The following LYPD6 variants were observed in gnomAD, a reference collection of about 807,000 sequenced individuals.
LYPD6 encodes ly6/PLAUR domain-containing protein 6.
A neutral mutation model predicts 22.7 loss-of-function variants in LYPD6; 15 were observed. That is an observed-to-expected ratio of 0.66 (90% CI 0.44 to 1.02). The LOEUF is 1.02. Ranked by LOEUF, LYPD6 falls within the 50% of genes least tolerant of loss-of-function variation. LYPD6 has a pLI of 0.00. For missense variants in LYPD6, 189 were observed against 208.4 expected (o/e 0.91, Z 0.57); for synonymous variants, 72 against 77.5 (o/e 0.93, Z 0.37).
chr2:149,425,570 A>G (rs113352257), intron 1 of LYPD6, among the ~76,000 whole-genome samples: 1 of 152,346 alleles, frequency 6.6e-6, no homozygotes, highest in African/African-American at 2.4e-5. Flanking sequence ...TATCAAGGAC[A>G]ACGCTCTTTT....
At chr2:149,358,491 G>A (rs1681511008) in intron 1 of LYPD6, among the ~76,000 whole-genome samples, 1 of 152,152 alleles carries the variant, frequency 6.6e-6, no homozygotes, top group Non-Finnish European at 1.5e-5. Flanking sequence ...GAGAGGGCCA[G>A]AAAGAAGGCC....
chr2:149,393,224 C>T (rs572920151), intron 1 of LYPD6, among the ~76,000 whole-genome samples: 6 of 152,292 alleles, frequency 3.9e-5, no homozygotes, highest in African/African-American at 1.4e-4. Flanking sequence ...TACATTTATG[C>T]ATCTATAGCT....
chr2:149,463,175 A>G (rs1350454393), intron 3 of LYPD6, among the ~76,000 whole-genome samples: 1 of 152,158 alleles, frequency 6.6e-6, no homozygotes, highest in African/African-American at 2.4e-5. Context: ...ATATATAAAT[A>G]ATTTTCAGAA....
chr2:149,381,628 AAG>A (rs1297928155), intron 1 of LYPD6, among the ~76,000 whole-genome samples: 1 of 152,228 alleles, frequency 6.6e-6, no homozygotes, highest in Non-Finnish European at 1.5e-5. Context: ...ATTGTCATCA[AAG>A]AGAGTGAGAG....
At chr2:149,467,836 C>T (rs1351253676) in intron 3 of LYPD6, among the ~76,000 whole-genome samples, 1 of 151,968 alleles carries the variant, frequency 6.6e-6, no homozygotes, top group Non-Finnish European at 1.5e-5. Context: ...ATTGACAAAG[C>T]CATTTTTCTT....
chr2:149,428,729 A>T, intron 1 of LYPD6, among the ~76,000 whole-genome samples: 1 of 152,238 alleles, frequency 6.6e-6, no homozygotes. Context: ...CCGTTCCCGT[A>T]AGAAGGGGGA....
intron 3 of LYPD6, among the ~76,000 whole-genome samples, chr2:149,455,242 G>T (rs537610725): frequency 6.7e-6 from 1 of 149,340 alleles, no homozygotes; most frequent in Non-Finnish European, 1.5e-5. Context: ...ATTAGTCTTA[G>T]AACTTTTCTA....
chr2:149,459,467 G>A (rs1681037836), intron 3 of LYPD6, among the ~76,000 whole-genome samples: 1 of 152,284 alleles, frequency 6.6e-6, no homozygotes, highest in South Asian at 2.1e-4. Context: ...AAAAAACTTA[G>A]TAAACGTACT....
chr2:149,364,428 T>C (rs1455440021), intron 1 of LYPD6, among the ~76,000 whole-genome samples: 1 of 152,104 alleles, frequency 6.6e-6, no homozygotes, highest in Non-Finnish European at 1.5e-5. Context: ...TTTTGAAAAA[T>C]TAATGAGTTT....
rs80241685 is a variant in LYPD6, at chr2:149,427,847, A to G, written c.-71-9791A>G. 6.9e-3 allele frequency among the ~76,000 whole-genome samples: 1,053 copies of G among 152,358 alleles called. 13 individuals carry two copies. The highest frequency in any genetic ancestry group is 0.023 in the African/African-American group (976 of 41,592). On this transcript the variant is annotated intron_variant, in intron 1 of 4. Transcript: ENST00000334166. Reference sequence around the variant, plus strand: ...TCGTTGTTAAATGATGTATGATTGTATATTACTAGACATACACAACAAGAC... The same window carrying G: ...TCGTTGTTAAATGATGTATGATTGTGTATTACTAGACATACACAACAAGAC...
chr2:149,416,328 T>C (rs1682961670), intron 1 of LYPD6, among the ~76,000 whole-genome samples: 4 of 152,162 alleles, frequency 2.6e-5, no homozygotes, highest in Non-Finnish European at 1.5e-5. Context: ...GAAACCTTTG[T>C]AGTCATGCCC....
chr2:149,371,550 C>G lies in LYPD6; in HGVS notation c.-72+40828C>G, dbSNP rs1681809769. 3.3e-5 allele frequency among the ~76,000 whole-genome samples: 5 copies of G among 152,260 alleles called. No homozygotes were observed. In the South Asian group the frequency reaches 1.0e-3, roughly 32 times the overall value. On this transcript the variant is annotated intron_variant, in intron 1 of 4. Transcript: ENST00000334166. Reference sequence around the variant, plus strand: ...TAATTTATGTTTCAAATGGAAGAAGCAAGCAGGTTTTTTGTGTGTGTGTAT... The same window carrying G: ...TAATTTATGTTTCAAATGGAAGAAGGAAGCAGGTTTTTTGTGTGTGTGTAT...
intron 3 of LYPD6, among the ~76,000 whole-genome samples, chr2:149,451,646 A>C (rs1680819069): frequency 6.6e-6 from 1 of 152,220 alleles, no homozygotes; most frequent in South Asian, 2.1e-4. Context: ...TTTTGAGGTC[A>C]TAATCTATCA....
chr2:149,411,745 A>G (rs1205925592), intron 1 of LYPD6, among the ~76,000 whole-genome samples: 1 of 152,238 alleles, frequency 6.6e-6, no homozygotes, highest in Non-Finnish European at 1.5e-5. Flanking sequence ...CAATTCAAAC[A>G]GTATAGAGAA....
chr2:149,460,442 A>G lies in LYPD6; in HGVS notation c.218-8203A>G, dbSNP rs370574011. 5.1e-4 allele frequency among the ~76,000 whole-genome samples: 78 copies of G among 152,304 alleles called. 1 individual carries two copies. Among genetic ancestry groups the G allele is most frequent in the African/African-American group, 1.9e-3 (77 of 41,590 alleles). On this transcript the variant is annotated intron_variant, in intron 3 of 4. Transcript: ENST00000334166. ...GCCCATCCACTAAGAAGATATAGCAATCTTAAGTATATAAGCATCACATAA... is the reference window on the plus strand; with the variant it reads ...GCCCATCCACTAAGAAGATATAGCAGTCTTAAGTATATAAGCATCACATAA...
intron 3 of LYPD6, among the ~76,000 whole-genome samples, chr2:149,466,889 G>T (rs1681212644): frequency 7.4e-6 from 1 of 135,340 alleles, no homozygotes; most frequent in African/African-American, 2.8e-5. Flanking sequence ...TGATTTTATT[G>T]CTTTCTAGAA....
chr2:149,476,237 A>G (rs989477718), downstream of LYPD6, among the ~76,000 whole-genome samples: 2 of 152,174 alleles, frequency 1.3e-5, no homozygotes, highest in Non-Finnish European at 2.9e-5. Flanking sequence ...TACGAGGACC[A>G]TCATGGTAGT....
chr2:149,418,270 A>G (rs1683006783), intron 1 of LYPD6, among the ~76,000 whole-genome samples: 1 of 152,208 alleles, frequency 6.6e-6, no homozygotes, highest in African/African-American at 2.4e-5. Context: ...AAACCCCCAC[A>G]TTCTTACTGG....
chr2:149,475,720 G>T (rs1157788618), downstream of LYPD6, among the ~76,000 whole-genome samples: 1 of 152,128 alleles, frequency 6.6e-6, no homozygotes, highest in Admixed American at 6.5e-5. Flanking sequence ...TTTATCTGGG[G>T]TCCTCTTTTC....
Sources: allele counts gnomAD v4.1 joint callset (sites outside exome capture counted in the v4.1 genomes callset), GRCh38; gene constraint gnomAD v4.1.1; transcripts MANE v1.5; gene names NCBI Gene and HGNC (gene_info 2026-07-23, HGNC 2026-07-21).